The following RYR3 variants were observed in gnomAD, a reference collection of about 807,000 sequenced individuals.
RYR3 encodes ryanodine receptor 3, also known as brain ryanodine receptor-calcium release channel.
RYR3 carries 207 observed loss-of-function variants against 584.3 expected under a neutral mutation model. The observed-to-expected ratio is 0.35, with a 90% CI of 0.32 to 0.40. RYR3 has a LOEUF of 0.40. Among genes scored for constraint, RYR3 ranks in the 10% least tolerant of loss-of-function variants. The pLI is 1.00. For synonymous variants in RYR3, 2,416 were observed against 2,248.5 expected, an observed-to-expected ratio of 1.07 and a Z score of -2.11; for missense variants, 5,616 against 6,089.2, an observed-to-expected ratio of 0.92 and a Z score of 2.59.
intron 46 of RYR3, among the ~76,000 whole-genome samples, chr15:33,727,048 T>A (rs1198314375): frequency 7.2e-5 from 11 of 152,198 alleles, no homozygotes. Context: ...GCTGATGGAA[T>A]GGGACAAGCG....
At chr15:33,804,218 T>C (rs1387893454) in intron 69 of RYR3, among the ~76,000 whole-genome samples, 1 of 152,224 alleles carries the variant, frequency 6.6e-6, no homozygotes, top group Non-Finnish European at 1.5e-5. Context: ...GTTGTTGTCA[T>C]ATGCCAAGTA....
At chr15:33,430,496 C>T (rs1334162202) in intron 1 of RYR3, among the ~76,000 whole-genome samples, 1 of 152,158 alleles carries the variant, frequency 6.6e-6, no homozygotes, top group African/African-American at 2.4e-5. Flanking sequence ...AGAATGTTAG[C>T]ACTGACTTAG....
At chr15:33,634,820 T>G in intron 25 of RYR3, 87 bp downstream of exon 25, 3 of 1,128,198 alleles carry the variant, frequency 2.7e-6, no homozygotes, top group Non-Finnish European at 4.0e-6. Context: ...AGGTCTAACT[T>G]GTACTATTGG....
intron 1 of RYR3, among the ~76,000 whole-genome samples, chr15:33,387,946 G>C (rs997863221): frequency 4.6e-5 from 7 of 150,922 alleles, no homozygotes; most frequent in African/African-American, 1.7e-4. Context: ...AAAGAAAGAG[G>C]AGGAAATTAT....
intron 48 of RYR3, among the ~76,000 whole-genome samples, chr15:33,732,781 G>C (rs1201580386): frequency 6.6e-6 from 1 of 152,194 alleles, no homozygotes; most frequent in Non-Finnish European, 1.5e-5. Flanking sequence ...CAAGATTCTG[G>C]CTTTTGAAGC....
intron 70 of RYR3, chr15:33,807,773 A>G (rs1448459207): frequency 1.7e-6 from 1 of 598,736 alleles, no homozygotes; most frequent in Admixed American, 2.9e-5. Flanking sequence ...GAAGCCGGGG[A>G]AGCCAGCCAA....
At chr15:33,569,658 GA>G (rs1268177044) in intron 12 of RYR3, among the ~76,000 whole-genome samples, 1 of 152,060 alleles carries the variant, frequency 6.6e-6, no homozygotes, top group African/African-American at 2.4e-5. Context: ...CACTTTTTAA[GA>G]AACTGAAAAT....
chr15:33,487,164 C>T (rs1175673855), intron 2 of RYR3, among the ~76,000 whole-genome samples: 4 of 151,062 alleles, frequency 2.6e-5, no homozygotes, highest in Non-Finnish European at 4.4e-5. Flanking sequence ...TGCCACTGCA[C>T]TCCAGCCTGT....
In RYR3 at chr15:33,623,878, A is replaced by G. The variant is rs372741580; in HGVS notation, c.2429A>G (p.Tyr810Cys). Residue 810 changes from tyrosine (Y) to cysteine (C), a missense_variant, in exon 20 of 104, where the codon TAT becomes TGT. Physicochemically the swap from Tyr to Cys is radical, Grantham distance 194. Around this residue, in one of 9 missense-constraint regions of RYR3, gnomAD observed 1,284 missense variants for 1,344.6 expected, o/e 0.95. Transcript: ENST00000634891. ...FLPPSGYAPCYEALLPKEKMR... is the reference protein window; with the variant it reads ...FLPPSGYAPCCEALLPKEKMR... The stretch of plus-strand genomic sequence containing the variant: ...CCTCCCTCTGGCTATGCCCCTTGCT[A>G]TGAAGCCTTACTTCCAAAAGAGAAG... 4 of 1,613,716 alleles carry G rather than the reference A, an allele frequency of 2.5e-6. No homozygotes were observed. In the African/African-American group the frequency reaches 5.3e-5, roughly 22 times the overall value.
Position 33,859,552 on chromosome 15 carries a change from T to TC in RYR3, c.14143-18dup, listed in dbSNP as rs751668198. 3.1e-6 allele frequency: 5 copies of TC among 1,613,192 alleles called. No homozygotes were observed. The East Asian group carries it at 6.7e-5, about 22-fold the overall frequency. Reference sequence around the variant, plus strand: ...AACAGAACTGTGACTTTTGCCTAAATCCCCCTTATTTTTCTTCTCTAGTGT... The same window carrying TC: ...AACAGAACTGTGACTTTTGCCTAAATCCCCCCTTATTTTTCTTCTCTAGTGT... On this transcript the variant is annotated intron_variant, in intron 99 of 103. Coordinates refer to ENST00000634891, the MANE Select transcript of RYR3 (RefSeq NM_001036.6).
chr15:33,742,191 T>C (rs2070212468), intron 51 of RYR3, among the ~76,000 whole-genome samples, 175 bp from the exon 52 acceptor site: 1 of 152,210 alleles, frequency 6.6e-6, no homozygotes, highest in South Asian at 2.1e-4. Flanking sequence ...TAACCCTGGC[T>C]ATGCCACCCC....
At position 33,740,059 on chromosome 15, in the gene RYR3, G is replaced by A; in HGVS notation, c.7820+64G>A. 6 of 1,443,522 alleles carry A rather than the reference G, an allele frequency of 4.2e-6. No individual in the cohort carries two copies. The South Asian group carries it at 6.1e-5, about 15-fold the overall frequency. The allele number at this position is 1,443,522 out of a possible 1,614,324, so 89.4% of individuals were successfully genotyped here. On this transcript the variant is annotated intron_variant, in intron 51 of 103. Transcript: ENST00000634891. ...GTCCAATAGCCAATGTTTTCTTCCA[G>A]AGGGTAGCAAGAAATGTGAGCTTTA...
chr15:33,341,863 A>G (rs902581573), intron 1 of RYR3, among the ~76,000 whole-genome samples: 2 of 151,954 alleles, frequency 1.3e-5, no homozygotes, highest in Admixed American at 1.3e-4. Context: ...AAAAAATTAG[A>G]GCTCAAAGAG....
At chr15:33,771,051 G>A (rs1312058350) in intron 62 of RYR3, among the ~76,000 whole-genome samples, 2 of 152,132 alleles carry the variant, frequency 1.3e-5, no homozygotes, top group Non-Finnish European at 2.9e-5. Context: ...TTTGTTTTGT[G>A]TTTTCCAGAG....
chr15:33,830,940 AAG>A, intron 85 of RYR3, 21 bp from the exon 86 acceptor site: 1 of 1,610,232 alleles, frequency 6.2e-7, no homozygotes, highest in African/African-American at 1.3e-5. Flanking sequence ...GAGAAATACT[AAG>A]CTCTACTCAT....
intron 1 of RYR3, among the ~76,000 whole-genome samples, chr15:33,388,066 G>T (rs1389731557): frequency 6.6e-6 from 1 of 152,160 alleles, no homozygotes; most frequent in African/African-American, 2.4e-5. Flanking sequence ...GTTTCTGAAT[G>T]TTCTGAACAC....
At chr15:33,319,235 T>C (rs1484398293) in intron 1 of RYR3, among the ~76,000 whole-genome samples, 3 of 152,228 alleles carry the variant, frequency 2.0e-5, no homozygotes, top group Non-Finnish European at 4.4e-5. Flanking sequence ...TGAATCGTGT[T>C]GCTCTATACC....
At chr15:33,812,354 T>C (rs2076598006) in intron 72 of RYR3, among the ~76,000 whole-genome samples, 1 of 151,370 alleles carries the variant, frequency 6.6e-6, no homozygotes, top group Admixed American at 6.6e-5. Context: ...AATTCAACCA[T>C]AAGGAGCAAT....
At chr15:33,374,175 A>C (rs2040546308) in intron 1 of RYR3, among the ~76,000 whole-genome samples, 1 of 152,196 alleles carries the variant, frequency 6.6e-6, no homozygotes. Flanking sequence ...AAATGTTTTT[A>C]AAGAAAAAAA....
Sources: allele counts gnomAD v4.1 joint callset (sites outside exome capture counted in the v4.1 genomes callset), GRCh38; gene constraint gnomAD v4.1.1; regional missense constraint gnomAD v4.1.1; transcripts MANE v1.5; gene names NCBI Gene and HGNC (gene_info 2026-07-23, HGNC 2026-07-21).